PIK3CB: variants seen among roughly 807,000 people sequenced by gnomAD.
PIK3CB encodes the protein phosphatidylinositol 4,5-bisphosphate 3-kinase catalytic subunit beta isoform.
In PIK3CB, 39 loss-of-function variants were observed where a neutral mutation model predicts 136.8. The observed-to-expected ratio is 0.29, with a 90% CI of 0.22 to 0.37. The LOEUF is 0.37. PIK3CB is among the 10% of genes least tolerant of loss of function. PIK3CB has a pLI of 1.00. For missense variants in PIK3CB, 868 were observed against 1,275.4 expected (o/e 0.68, Z 4.87); for synonymous variants, 428 against 436.6 (o/e 0.98, Z 0.25).
At chr3:138,703,248 T>C (rs947830000) in intron 12 of PIK3CB, among the ~76,000 whole-genome samples, 7 of 152,176 alleles carry the variant, frequency 4.6e-5, no homozygotes, top group African/African-American at 1.4e-4. Flanking sequence ...TGACTCACAC[T>C]GAGAAACTAG....
intron 2 of PIK3CB, among the ~76,000 whole-genome samples, chr3:138,763,928 T>A (rs139891882): frequency 6.7e-6 from 1 of 149,978 alleles, no homozygotes; most frequent in African/African-American, 2.5e-5. Flanking sequence ...CTGACCAACA[T>A]GGTGAAAACC....
In PIK3CB at chr3:138,683,707, G is replaced by A. The variant is rs371687428; in HGVS notation, c.2396C>T (p.Ser799Leu). The A allele has an allele frequency of 6.3e-7, 1 of 1,586,462 alleles. No individual in the cohort carries two copies. Among genetic ancestry groups the A allele is most frequent in the African/African-American group, 1.3e-5 (1 of 74,364 alleles). Residue 799 changes from serine to leucine, a missense_variant, in exon 18 of 24, where the codon TCA becomes TTA. By Grantham distance (145) the Ser-to-Leu change is moderately radical. Coordinates refer to ENST00000674063, the MANE Select transcript of PIK3CB (RefSeq NM_006219.3). ...VYNNKVFGED[S>L]VGVIFKNGDD... The stretch of plus-strand genomic sequence containing the variant: ...ACCATTTTTAAAAATCACTCCAACT[G>A]AATCCTCACCAAATACCTTGTTATT...
intron 14 of PIK3CB, among the ~76,000 whole-genome samples, chr3:138,694,294 T>C (rs971961952): frequency 1.8e-4 from 27 of 152,062 alleles, no homozygotes. Context: ...ATGTGATAGC[T>C]GCCCGTAAAA....
intron 8 of PIK3CB, among the ~76,000 whole-genome samples, chr3:138,720,609 G>A (rs1178457992): frequency 6.6e-6 from 1 of 152,164 alleles, no homozygotes; most frequent in East Asian, 1.9e-4. Context: ...GCTTACACCT[G>A]TAATCCCAGC....
At chr3:138,779,858 T>C (rs2045904239) in intron 2 of PIK3CB, among the ~76,000 whole-genome samples, 1 of 152,206 alleles carries the variant, frequency 6.6e-6, no homozygotes, top group Non-Finnish European at 1.5e-5. Context: ...AAATATTTTC[T>C]TCTAATATAC....
At position 138,681,950 on chromosome 3, in the gene PIK3CB, AAAAG is replaced by A; in HGVS notation, c.2504+13_2504+16del. 6.4e-7 allele frequency: 1 copy of A among 1,554,348 alleles called. No homozygotes were observed. Among genetic ancestry groups the A allele is most frequent in the East Asian group, 2.2e-5 (1 of 44,460 alleles). On this transcript the variant is annotated intron_variant, in intron 19 of 23. Transcript: ENST00000674063. ...GGAAGACATTAGACTGAAAAAAAAA[AAAAG>A]ACTAGATCTCACCGAAGATCCAAAC...
In PIK3CB at chr3:138,707,152, A is replaced by T; in HGVS notation, c.1530+7T>A. The T allele has an allele frequency of 6.7e-7, 1 of 1,488,960 alleles. No homozygotes were observed. Among genetic ancestry groups the T allele is most frequent in the Non-Finnish European group, 9.4e-7 (1 of 1,066,964 alleles). 92.2% of individuals were successfully genotyped at this position (1,488,960 alleles called of 1,614,324 possible). On this transcript the variant is annotated splice_region_variant and intron_variant, in intron 11 of 23. Transcript: ENST00000674063. ...ATGCATAGAGGTCCTTTAAATAATT[A>T]GCTTACCTTATCGAAGGGAGGGTAA...
chr3:138,733,176 A>G lies in PIK3CB; in HGVS notation c.1050+185T>C, dbSNP rs191905534. On this transcript the variant is annotated intron_variant, in intron 8 of 23. Transcript: ENST00000674063. ...AATGATTCAAAAGTCTTTGAATTTT[A>G]AAACAAAATTTTAAAATTTTAAAAC... Among the ~76,000 whole-genome samples, 11 of 152,012 alleles carry G rather than the reference A, an allele frequency of 7.2e-5. No individual in the cohort carries two copies. The East Asian group carries it at 1.9e-3, about 27-fold the overall frequency.
At chr3:138,742,483 T>A in intron 5 of PIK3CB, 75 bp downstream of exon 5, 1 of 702,522 alleles carries the variant, frequency 1.4e-6, no homozygotes, top group Non-Finnish European at 2.4e-6. Context: ...GACAGACACT[T>A]CTAAAAATGC....
intron 2 of PIK3CB, among the ~76,000 whole-genome samples, chr3:138,783,576 G>A (rs2045943874): frequency 6.6e-6 from 1 of 152,110 alleles, no homozygotes; most frequent in South Asian, 2.1e-4. Context: ...AGCCACCATG[G>A]CCCATGAGGG....
chr3:138,705,174 C>CAAAAAAAAAA (rs1159172292), intron 11 of PIK3CB, among the ~76,000 whole-genome samples: 1 of 57,062 alleles, frequency 1.8e-5, no homozygotes, highest in Non-Finnish European at 3.0e-5. Context: ...AAAAAAAAAA[C>CAAAAAAAAAA]AAAAAACAAA....
chr3:138,819,556 T>C (rs927943234), intron 1 of PIK3CB, among the ~76,000 whole-genome samples: 6 of 152,194 alleles, frequency 3.9e-5, no homozygotes, highest in Admixed American at 2.6e-4. Flanking sequence ...ATTTAGGCAA[T>C]GGTTTCAACC....
intron 4 of PIK3CB, among the ~76,000 whole-genome samples, chr3:138,750,729 G>T (rs554485218): frequency 5.9e-5 from 9 of 152,184 alleles, no homozygotes; most frequent in African/African-American, 2.2e-4. Flanking sequence ...GCCCCCAACT[G>T]GCTCTGCTAA....
chr3:138,805,265 G>A (rs1196184160), intron 1 of PIK3CB, among the ~76,000 whole-genome samples: 6 of 151,634 alleles, frequency 4.0e-5, no homozygotes, highest in African/African-American at 7.3e-5. Flanking sequence ...CCCGGGAGGC[G>A]GAGGTTGCAG....
chr3:138,652,700 A>T lies in PIK3CB; in HGVS notation c.*2689T>A, dbSNP rs1207500684. On this transcript the variant is annotated 3_prime_UTR_variant, in exon 24 of 24. Coordinates refer to ENST00000674063, the MANE Select transcript of PIK3CB (RefSeq NM_006219.3). ...TAGTATTTGATAGCACAACAGAGTAACTATAGTCGATAATTTAATTATAGA... is the reference window on the plus strand; with the variant it reads ...TAGTATTTGATAGCACAACAGAGTATCTATAGTCGATAATTTAATTATAGA... 4.9e-6 allele frequency: 1 copy of T among 205,644 alleles called. No homozygotes were observed. Among genetic ancestry groups the T allele is most frequent in the African/African-American group, 2.3e-5 (1 of 43,908 alleles). The allele number at this position is 205,644 out of a possible 1,614,324, so 12.7% of individuals were successfully genotyped here. A position where few individuals can be genotyped will look rare whatever the true frequency, so the allele number is the denominator to read the frequency against.
intron 9 of PIK3CB, among the ~76,000 whole-genome samples, chr3:138,712,761 T>A (rs2044529655): frequency 6.6e-6 from 1 of 151,998 alleles, no homozygotes; most frequent in South Asian, 2.1e-4. Flanking sequence ...GAGACGGGGT[T>A]TTGCCGTGTA....
chr3:138,719,722 C>G (rs2044688252), intron 8 of PIK3CB, among the ~76,000 whole-genome samples: 1 of 152,102 alleles, frequency 6.6e-6, no homozygotes. Flanking sequence ...TCATCAATGT[C>G]TGTATCAGCT....
In PIK3CB at chr3:138,682,017, T is replaced by C. The variant is rs145339552; in HGVS notation, c.2454A>G (p.Gln818=). The change falls in exon 19 of 24, where the codon CAA becomes CAG. Residue 818 remains glutamine (Q), a synonymous_variant. Coordinates refer to ENST00000674063, the MANE Select transcript of PIK3CB (RefSeq NM_006219.3). ...AGAGTAAATCCATCAAGCGCAACATTTGGAGTGTCAACATATCCTGTCGTA... is the reference window on the plus strand; with the variant it reads ...AGAGTAAATCCATCAAGCGCAACATCTGGAGTGTCAACATATCCTGTCGTA... ...DDLRQDMLTL[Q]MLRLMDLLWK... is the part of the protein sequence containing the mutation. The C allele has an allele frequency of 2.1e-4, 343 of 1,612,246 alleles. 2 individuals are homozygous for C. Among genetic ancestry groups the C allele is most frequent in the Middle Eastern group, 3.3e-4 (2 of 6,068 alleles).
At chr3:138,823,352 AT>A (rs1400944656) in intron 1 of PIK3CB, among the ~76,000 whole-genome samples, 1 of 151,818 alleles carries the variant, frequency 6.6e-6, no homozygotes, top group Non-Finnish European at 1.5e-5. Flanking sequence ...ATGAATAGTT[AT>A]TGTATAACTA....
Sources: allele counts gnomAD v4.1 joint callset (sites outside exome capture counted in the v4.1 genomes callset), GRCh38; gene constraint gnomAD v4.1.1; transcripts MANE v1.5; gene names NCBI Gene and HGNC (gene_info 2026-07-23, HGNC 2026-07-21).